The following MACROD2 variants were observed in gnomAD, a reference collection of about 807,000 sequenced individuals.
The protein encoded by MACROD2 is mono-ADP ribosylhydrolase 2.
Under a neutral mutation model 70.4 loss-of-function variants are expected in MACROD2, and 36 were observed. The ratio of observed to expected loss-of-function variants is 0.51; its 90% CI spans 0.39 to 0.68. The LOEUF is 0.68. Among genes scored for constraint, MACROD2 ranks in the 30% least tolerant of loss-of-function variants. MACROD2 has a pLI of 0.00. For synonymous variants in MACROD2, 172 were observed against 178.8 expected (o/e 0.96, Z 0.30); for missense variants, 496 against 538.4 (o/e 0.92, Z 0.78).
chr20:14,789,218 A>G (rs2072416375), intron 5 of MACROD2, among the ~76,000 whole-genome samples: 1 of 151,966 alleles, frequency 6.6e-6, no homozygotes, highest in Non-Finnish European at 1.5e-5. Context: ...TTATTCAACC[A>G]GAAAAAAAAG....
chr20:14,606,229 AAAAC>A (rs1982791271), intron 4 of MACROD2, among the ~76,000 whole-genome samples: 1 of 152,204 alleles, frequency 6.6e-6, no homozygotes, highest in Non-Finnish European at 1.5e-5. Context: ...TAGAGTAAGA[AAAAC>A]AAATGTGGCT....
chr20:14,545,960 G>A (rs1287087212), intron 4 of MACROD2, among the ~76,000 whole-genome samples: 3 of 152,238 alleles, frequency 2.0e-5, no homozygotes, highest in East Asian at 1.9e-4. Flanking sequence ...TTGACTGGCC[G>A]CTTGTAGTGT....
At chr20:15,609,755 A>G (rs1452460803) in intron 8 of MACROD2, among the ~76,000 whole-genome samples, 1 of 152,214 alleles carries the variant, frequency 6.6e-6, no homozygotes, top group African/African-American at 2.4e-5. Flanking sequence ...CTGATTTCTC[A>G]ATGCTTTATT....
chr20:14,167,695 G>A (rs890059993), intron 3 of MACROD2, among the ~76,000 whole-genome samples: 4 of 151,986 alleles, frequency 2.6e-5, no homozygotes, highest in African/African-American at 9.7e-5. Flanking sequence ...GGCCTAAAAT[G>A]TTTTTATAAT....
At chr20:15,962,416 C>G (rs578100066) in intron 12 of MACROD2, among the ~76,000 whole-genome samples, 9 of 152,306 alleles carry the variant, frequency 5.9e-5, no homozygotes, top group African/African-American at 1.9e-4. Context: ...GCTTGTAGCT[C>G]TAAATTCTGA....
intron 5 of MACROD2, among the ~76,000 whole-genome samples, chr20:14,711,051 A>G (rs1028631436): frequency 5.3e-5 from 8 of 152,180 alleles, no homozygotes; most frequent in African/African-American, 1.9e-4. Flanking sequence ...AGAACATGCA[A>G]TCATTTTTAT....
chr20:14,590,748 T>A (rs932937061), intron 4 of MACROD2, among the ~76,000 whole-genome samples: 2 of 152,228 alleles, frequency 1.3e-5, no homozygotes, highest in Non-Finnish European at 2.9e-5. Context: ...TTTCTGCTCT[T>A]AACTATAATA....
chr20:14,828,700 A>C (rs544905933), intron 5 of MACROD2, among the ~76,000 whole-genome samples: 12 of 152,250 alleles, frequency 7.9e-5, no homozygotes, highest in Admixed American at 4.6e-4. Context: ...GCTTCCCTGA[A>C]GAGGTGACAT....
intron 5 of MACROD2, among the ~76,000 whole-genome samples, chr20:14,788,771 T>TTG (rs1235868771): frequency 7.2e-6 from 1 of 138,792 alleles, no homozygotes; most frequent in Non-Finnish European, 1.6e-5. Context: ...GTGTTTTTTT[T>TTG]TTTTTTTTTT....
At chr20:14,729,398 AC>A (rs1479820672) in intron 5 of MACROD2, among the ~76,000 whole-genome samples, 1 of 152,152 alleles carries the variant, frequency 6.6e-6, no homozygotes, top group Non-Finnish European at 1.5e-5. Context: ...ATCCTCAATA[AC>A]TGTTTAAGAT....
chr20:14,997,664 C>T (rs964635414), intron 5 of MACROD2, among the ~76,000 whole-genome samples: 1 of 152,194 alleles, frequency 6.6e-6, no homozygotes, highest in African/African-American at 2.4e-5. Flanking sequence ...CCACCTGGGT[C>T]AGAAGGGAAC....
At chr20:15,976,746 GA>G (rs11475903) in intron 13 of MACROD2, among the ~76,000 whole-genome samples, 17,365 of 151,968 alleles carry the variant, frequency 0.11, 1,095 homozygotes, top group East Asian at 0.25. Flanking sequence ...AGAAAAATGA[GA>G]AAAAAAATTC....
chr20:15,512,060 T>A lies in MACROD2; in HGVS notation c.645+12213T>A, dbSNP rs571147377. 4.6e-5 allele frequency among the ~76,000 whole-genome samples: 7 copies of A among 152,342 alleles called. No homozygotes were observed. In the East Asian group the frequency reaches 1.3e-3, roughly 29 times the overall value. On this transcript the variant is annotated intron_variant, in intron 8 of 17. Coordinates refer to ENST00000684519, the MANE Select transcript of MACROD2 (RefSeq NM_001351661.2). ...TCAATAAGGAAAAGGCTATGTTAAG[T>A]GAGAACTGTGAGAGTAAATCTCTCC...
intron 7 of MACROD2, among the ~76,000 whole-genome samples, chr20:15,462,821 A>C (rs2046836410): frequency 1.3e-5 from 2 of 152,172 alleles, no homozygotes; most frequent in African/African-American, 4.8e-5. Context: ...CCACTTGGAC[A>C]AGTTTCATGT....
At chr20:15,364,127 TGA>T (rs1317874598) in intron 6 of MACROD2, among the ~76,000 whole-genome samples, 1 of 152,244 alleles carries the variant, frequency 6.6e-6, no homozygotes, top group Admixed American at 6.5e-5. Context: ...GCATGAGAAC[TGA>T]GTTAAACTAA....
intron 6 of MACROD2, among the ~76,000 whole-genome samples, chr20:15,382,395 G>A (rs2045656568): frequency 6.6e-6 from 1 of 152,104 alleles, no homozygotes; most frequent in Admixed American, 6.6e-5. Flanking sequence ...ATTGCCTTAT[G>A]ATTAAACTCT....
intron 8 of MACROD2, among the ~76,000 whole-genome samples, chr20:15,650,819 A>G (rs961340075): frequency 6.6e-6 from 1 of 152,180 alleles, no homozygotes; most frequent in Non-Finnish European, 1.5e-5. Flanking sequence ...GTGAAACCTG[A>G]GAACCCCTTG....
intron 5 of MACROD2, among the ~76,000 whole-genome samples, chr20:14,957,889 T>C (rs2074551020): frequency 6.6e-6 from 1 of 151,648 alleles, no homozygotes. Flanking sequence ...ATCATAAAAG[T>C]TTTATTTTTC....
At chr20:15,250,033 A>C (rs983249183) in intron 6 of MACROD2, among the ~76,000 whole-genome samples, 7 of 152,210 alleles carry the variant, frequency 4.6e-5, no homozygotes, top group African/African-American at 1.7e-4. Flanking sequence ...TTCTTTACCT[A>C]AGGCCCTGGC....
Sources: allele counts gnomAD v4.1 joint callset (sites outside exome capture counted in the v4.1 genomes callset), GRCh38; gene constraint gnomAD v4.1.1; transcripts MANE v1.5; gene names NCBI Gene and HGNC (gene_info 2026-07-23, HGNC 2026-07-21).